DYRK4: variants seen among roughly 807,000 people sequenced by gnomAD.
DYRK4 encodes the protein dual specificity tyrosine phosphorylation regulated kinase 4.
A neutral mutation model predicts 68.3 loss-of-function variants in DYRK4; 64 were observed. The ratio of observed to expected loss-of-function variants is 0.94; its 90% CI spans 0.77 to 1.15. The LOEUF (loss-of-function observed/expected upper bound fraction) is 1.15, where lower values mean the gene tolerates loss of function less well. DYRK4 is among the 50% of genes most tolerant of loss of function. The probability of loss-of-function intolerance (pLI) is 0.00; values close to 1 mark genes in which losing one functional copy is unlikely to be tolerated. For synonymous variants in DYRK4, 274 were observed against 289.9 expected, an observed-to-expected ratio of 0.95 and a Z score of 0.56; for missense variants, 740 against 764.7, an observed-to-expected ratio of 0.97 and a Z score of 0.38.
intron 2 of DYRK4, among the ~76,000 whole-genome samples, chr12:4,587,222 C>A (rs1351223212): frequency 6.6e-6 from 1 of 152,166 alleles, no homozygotes; most frequent in Admixed American, 6.5e-5. Flanking sequence ...GCTTACCCAG[C>A]ATGAGCAGGG....
At chr12:4,602,285 C>T in intron 10 of DYRK4, 1 of 1,017,214 alleles carries the variant, frequency 9.8e-7, no homozygotes. Flanking sequence ...GCTTTAAATA[C>T]TATGCCATTC....
At chr12:4,610,023 T>C in intron 12 of DYRK4, 132 bp from the exon 13 acceptor site, 1 of 584,768 alleles carries the variant, frequency 1.7e-6, no homozygotes, top group Non-Finnish European at 2.8e-6. Flanking sequence ...TGTGTGTTTA[T>C]TGGGGTGTGG....
At chr12:4,598,957 GT>G in intron 8 of DYRK4, 70 bp from the exon 9 acceptor site, 1 of 1,559,284 alleles carries the variant, frequency 6.4e-7, no homozygotes, top group Non-Finnish European at 8.8e-7. Context: ...ATACAAGATT[GT>G]TTGCAGGTTC....
intron 8 of DYRK4, 150 bp downstream of exon 8, chr12:4,596,879 G>A (rs1003485851): frequency 2.0e-6 from 3 of 1,483,362 alleles, no homozygotes; most frequent in Non-Finnish European, 1.8e-6. Flanking sequence ...ATGCCCAGGA[G>A]CAAGGAGGTT....
chr12:4,596,033 T>C (rs902708897), intron 6 of DYRK4, 116 bp from the exon 7 acceptor site: 2 of 1,119,654 alleles, frequency 1.8e-6, no homozygotes, highest in African/African-American at 1.6e-5. Flanking sequence ...CCCAGTGTAG[T>C]TAGAAAATTC....
chr12:4,605,728 GGTTTTTTTT>G (rs1348823789), intron 11 of DYRK4, among the ~76,000 whole-genome samples: 8 of 68,938 alleles, frequency 1.2e-4, no homozygotes, highest in Non-Finnish European at 9.9e-5. Flanking sequence ...AATAGAGCTG[GGTTTTTTTT>G]TTTTTTTTTT....
intron 13 of DYRK4, among the ~76,000 whole-genome samples, chr12:4,610,950 A>G (rs1945213782): frequency 6.6e-6 from 1 of 152,218 alleles, no homozygotes; most frequent in Non-Finnish European, 1.5e-5. Context: ...AAAGAGGTAA[A>G]TCTATCTCCA....
At position 4,591,418 on chromosome 12, in the gene DYRK4, C is replaced by A; in HGVS notation, c.463+120C>A. 1 of 1,373,142 alleles carries A rather than the reference C, an allele frequency of 7.3e-7. No homozygotes were observed. Among genetic ancestry groups the A allele is most frequent in the South Asian group, 1.5e-5 (1 of 66,380 alleles). The allele number at this position is 1,373,142 out of a possible 1,614,324, so 85.1% of individuals were successfully genotyped here. A position where few individuals can be genotyped will look rare whatever the true frequency, so the allele number is the denominator to read the frequency against. On this transcript the variant is annotated intron_variant, in intron 5 of 14. Coordinates refer to ENST00000543431, the MANE Select transcript of DYRK4 (RefSeq NM_001394779.1). The surrounding 1 kb of genome is among the most constrained non-coding windows in gnomAD (Gnocchi z 4.1). ...TGTCAGAGTAGTCAAAGAAGGCAGC[C>A]AGCCAAGAGGAAAGTAGAAGTTAAG...
intron 2 of DYRK4, among the ~76,000 whole-genome samples, chr12:4,571,887 G>T (rs1239719108): frequency 6.6e-6 from 1 of 152,200 alleles, no homozygotes; most frequent in African/African-American, 2.4e-5. Flanking sequence ...TACTGGACTG[G>T]CTCAGTGCCA....
intron 11 of DYRK4, 71 bp downstream of exon 11, chr12:4,605,157 G>A (rs1222234048): frequency 2.1e-6 from 3 of 1,415,782 alleles, no homozygotes; most frequent in Non-Finnish European, 2.9e-6. Context: ...GGCTGCACCA[G>A]ACTCGCCCAG....
chr12:4,612,332 C>CT (rs1049480698), intron 13 of DYRK4, among the ~76,000 whole-genome samples: 4 of 152,144 alleles, frequency 2.6e-5, no homozygotes, highest in African/African-American at 9.7e-5. Flanking sequence ...TATATATTCC[C>CT]TGGCTTGTTA....
chr12:4,596,973 G>A (rs1331276680), intron 8 of DYRK4: 3 of 1,349,644 alleles, frequency 2.2e-6, no homozygotes, highest in Admixed American at 3.6e-5. Context: ...TACTGAGCCA[G>A]GTGACATGAC....
At chr12:4,573,306 A>G (rs1466622382) in intron 2 of DYRK4, 3 of 1,289,288 alleles carry the variant, frequency 2.3e-6, no homozygotes, top group Non-Finnish European at 2.0e-6. Context: ...AGAGTTTTAC[A>G]TAGTTTTCCC....
At chr12:4,568,235 C>T (rs1003355972) in intron 2 of DYRK4, among the ~76,000 whole-genome samples, 187 bp downstream of exon 2, 2 of 152,162 alleles carry the variant, frequency 1.3e-5, no homozygotes, top group African/African-American at 4.8e-5. Context: ...AGCAGAAGGG[C>T]AAGGCCTTAA....
In DYRK4 at chr12:4,567,349, G is replaced by T. The variant is rs576616537; in HGVS notation, c.39-606G>T. On this transcript the variant is annotated intron_variant, in intron 1 of 14. Coordinates refer to ENST00000543431, the MANE Select transcript of DYRK4 (RefSeq NM_001394779.1). The stretch of plus-strand genomic sequence containing the variant: ...GACTTGCAAAGGACACAGAGCAAGC[G>T]GTTTCAGCTGTACTCTGCTAATGTA... The T allele has an allele frequency of 2.6e-5, 4 of 152,222 alleles. No individual in the cohort carries two copies. In the South Asian group the frequency reaches 6.2e-4, roughly 24 times the overall value. 9.4% of individuals were successfully genotyped at this position (152,222 alleles called of 1,614,324 possible). A position where few individuals can be genotyped will look rare whatever the true frequency, so the allele number is the denominator to read the frequency against.
intron 2 of DYRK4, among the ~76,000 whole-genome samples, chr12:4,577,109 C>T (rs528740643): frequency 6.6e-6 from 1 of 152,284 alleles, no homozygotes; most frequent in African/African-American, 2.4e-5. Context: ...TTCTATGTCA[C>T]CTTCTAGAAG....
chr12:4,575,672 G>GT (rs1944782435), intron 2 of DYRK4, among the ~76,000 whole-genome samples: 1 of 152,094 alleles, frequency 6.6e-6, no homozygotes, highest in Non-Finnish European at 1.5e-5. Context: ...CGTTTTTAAT[G>GT]TATTTATTGG....
chr12:4,612,841 G>T (rs977013892), intron 14 of DYRK4, 123 bp downstream of exon 14: 1 of 1,077,906 alleles, frequency 9.3e-7, no homozygotes, highest in African/African-American at 1.6e-5. Context: ...TAAAATCTTT[G>T]TTTTTAATAT....
intron 3 of DYRK4, 58 bp from the exon 4 acceptor site, chr12:4,590,272 C>T (rs1309376602): frequency 6.7e-7 from 1 of 1,492,606 alleles, no homozygotes; most frequent in Non-Finnish European, 8.9e-7. Flanking sequence ...AGAAATGACC[C>T]CTGGAGACGT....
Sources: gnomAD v4.1 joint callset for allele counts (sites outside exome capture counted in the v4.1 genomes callset) on GRCh38, gnomAD v4.1.1 for gene constraint, Gnocchi (gnomAD v3.1) non-coding constraint, MANE v1.5 for transcripts, NCBI Gene and HGNC (gene_info 2026-07-23, HGNC 2026-07-21) for gene names.